BANK1: variants seen among roughly 807,000 people sequenced by gnomAD.
BANK1 encodes B cell scaffold protein with ankyrin repeats 1, also known as B-cell scaffold protein with ankyrin repeats.
In BANK1, 95 loss-of-function variants were observed where a neutral mutation model predicts 94.5. The observed-to-expected ratio is 1.00, with a 90% CI of 0.85 to 1.19. BANK1 has a LOEUF of 1.19. BANK1 is among the 50% of genes most tolerant of loss of function. The pLI, the probability that BANK1 is intolerant of heterozygous loss-of-function variation, is 0.00. For missense variants in BANK1, 987 were observed against 932.2 expected, an observed-to-expected ratio of 1.06 and a Z score of -0.77; for synonymous variants, 334 against 308.4, an observed-to-expected ratio of 1.08 and a Z score of -0.87.
At chr4:101,848,279 G>A (rs1056402997) in intron 2 of BANK1, among the ~76,000 whole-genome samples, 5 of 152,104 alleles carry the variant, frequency 3.3e-5, no homozygotes, top group Non-Finnish European at 1.5e-5. Context: ...GGGATTGCTG[G>A]TTTGTTCTTG....
At chr4:101,850,391 C>T (rs1008389098) in intron 2 of BANK1, among the ~76,000 whole-genome samples, 3 of 151,882 alleles carry the variant, frequency 2.0e-5, no homozygotes, top group Non-Finnish European at 4.4e-5. Flanking sequence ...CCTGTCTCAG[C>T]CTCCCAAGTA....
intron 4 of BANK1, among the ~76,000 whole-genome samples, chr4:101,869,347 G>A (rs1264115238): frequency 6.6e-6 from 1 of 151,858 alleles, no homozygotes; most frequent in Non-Finnish European, 1.5e-5. Flanking sequence ...CTGATGAGAT[G>A]TGCTTTAAAA....
intron 5 of BANK1, among the ~76,000 whole-genome samples, chr4:101,880,113 T>C (rs1728625197): frequency 6.6e-6 from 1 of 151,900 alleles, no homozygotes; most frequent in Non-Finnish European, 1.5e-5. Flanking sequence ...AAGAAATAAA[T>C]AAAGGCATCC....
intron 10 of BANK1, among the ~76,000 whole-genome samples, chr4:102,039,826 G>A (rs1727646991): frequency 6.6e-6 from 1 of 151,992 alleles, no homozygotes; most frequent in Non-Finnish European, 1.5e-5. Context: ...ATCATCCCCT[G>A]AAAGCCCAGA....
chr4:102,054,704 A>C (rs1290140077), intron 11 of BANK1, among the ~76,000 whole-genome samples: 2 of 152,160 alleles, frequency 1.3e-5, no homozygotes, highest in African/African-American at 4.8e-5. Context: ...TCAAAGAAGC[A>C]GTTAGTCGGT....
At position 102,074,435 on chromosome 4, in the gene BANK1, G is replaced by T. The variant is rs1728858825; in HGVS notation, c.*436G>T. The T allele has an allele frequency of 6.6e-6, 1 of 151,954 alleles. No homozygotes were observed. The allele number at this position is 151,954 out of a possible 1,614,324, so 9.4% of individuals were successfully genotyped here. On this transcript the variant is annotated 3_prime_UTR_variant, in exon 17 of 17. Coordinates refer to ENST00000322953, the MANE Select transcript of BANK1 (RefSeq NM_017935.5). ...TACTTAGCACATTTTTGCTTTTTAAGTAGCTGGTTCATTTTCTGAATTTCT... is the reference window on the plus strand; with the variant it reads ...TACTTAGCACATTTTTGCTTTTTAATTAGCTGGTTCATTTTCTGAATTTCT...
chr4:101,795,101 C>G (rs1725111535), intron 1 of BANK1, among the ~76,000 whole-genome samples: 1 of 151,924 alleles, frequency 6.6e-6, no homozygotes, highest in South Asian at 2.1e-4. Flanking sequence ...ATAAAGCCTC[C>G]TTTGGTCGGG....
intron 1 of BANK1, among the ~76,000 whole-genome samples, chr4:101,794,152 G>A (rs1046007577): frequency 6.6e-6 from 1 of 152,082 alleles, no homozygotes; most frequent in African/African-American, 2.4e-5. Context: ...AAAGAATAAA[G>A]AAGGAATTTA....
chr4:101,935,706 T>C (rs909214967), intron 7 of BANK1, among the ~76,000 whole-genome samples: 1 of 151,680 alleles, frequency 6.6e-6, no homozygotes, highest in Admixed American at 6.6e-5. Context: ...AAACATGGAA[T>C]AAATCCTCTC....
intron 7 of BANK1, among the ~76,000 whole-genome samples, chr4:102,010,138 G>A (rs538933448): frequency 3.1e-4 from 47 of 151,696 alleles, no homozygotes; most frequent in South Asian, 1.7e-3. Flanking sequence ...GGTGGCGGGC[G>A]CCTGTAGTCC....
At chr4:101,838,214 CT>C (rs1260750861) in intron 2 of BANK1, among the ~76,000 whole-genome samples, 2 of 152,182 alleles carry the variant, frequency 1.3e-5, no homozygotes, top group Non-Finnish European at 2.9e-5. Flanking sequence ...CCACCTCGGC[CT>C]TCCAAAGTGG....
chr4:101,881,321 CA>C, intron 5 of BANK1, among the ~76,000 whole-genome samples: 1 of 151,834 alleles, frequency 6.6e-6, no homozygotes. Context: ...AACAGGCATA[CA>C]AAAAGGTGCT....
At chr4:101,994,003 A>G (rs1197038962) in intron 7 of BANK1, among the ~76,000 whole-genome samples, 1 of 152,224 alleles carries the variant, frequency 6.6e-6, no homozygotes, top group African/African-American at 2.4e-5. Flanking sequence ...CCCTGTCAGT[A>G]CTGCTAATCC....
At chr4:101,879,633 C>A (rs1371085103) in intron 5 of BANK1, among the ~76,000 whole-genome samples, 2 of 151,144 alleles carry the variant, frequency 1.3e-5, no homozygotes, top group East Asian at 3.9e-4. Context: ...AAACACACAT[C>A]AAAAAAAAGA....
At chr4:102,045,397 C>T in intron 11 of BANK1, among the ~76,000 whole-genome samples, 1 of 152,110 alleles carries the variant, frequency 6.6e-6, no homozygotes, top group Non-Finnish European at 1.5e-5. Context: ...GGGATGCCCT[C>T]TCTCACCACT....
chr4:101,844,520 C>A (rs965731333), intron 2 of BANK1, among the ~76,000 whole-genome samples: 23 of 152,174 alleles, frequency 1.5e-4, no homozygotes, highest in African/African-American at 5.3e-4. Flanking sequence ...TGAGGAAGGA[C>A]AAGATGTAGG....
At chr4:101,998,495 TCTA>T (rs1725955787) in intron 7 of BANK1, among the ~76,000 whole-genome samples, 1 of 152,198 alleles carries the variant, frequency 6.6e-6, no homozygotes, top group Non-Finnish European at 1.5e-5. Flanking sequence ...TGTTGATCTG[TCTA>T]CTATTGACAG....
Position 102,063,101 on chromosome 4 carries a change from C to A in BANK1, c.2175C>A (p.Cys725Ter). ...QQEKLRQLRD[C>*]IIGKRPEEEN... ...AGAAATTACGACAACTACGAGACTG[C>A]ATTATTGGGAAAAGGCCAGAAGAAG... The change falls in exon 13 of 17, where the codon TGC becomes TGA. Residue 725 changes from cysteine (C) to a stop codon, truncating the protein, a stop_gained. Transcript: ENST00000322953. LOFTEE classifies it high-confidence loss of function. 1 of 1,613,582 alleles carries A rather than the reference C, an allele frequency of 6.2e-7. No homozygotes were observed. The highest frequency in any genetic ancestry group is 8.5e-7 in the Non-Finnish European group (1 of 1,179,664).
intron 10 of BANK1, among the ~76,000 whole-genome samples, chr4:102,041,998 T>G (rs1560704207): frequency 6.6e-6 from 1 of 152,042 alleles, no homozygotes; most frequent in Non-Finnish European, 1.5e-5. Flanking sequence ...TTTAAAAACT[T>G]ATCAATTAAT....
Sources: gnomAD v4.1 joint callset for allele counts (sites outside exome capture counted in the v4.1 genomes callset) on GRCh38, gnomAD v4.1.1 for gene constraint, MANE v1.5 for transcripts, NCBI Gene and HGNC (gene_info 2026-07-23, HGNC 2026-07-21) for gene names.